SCAI: variants seen among roughly 807,000 people sequenced by gnomAD.
SCAI encodes the protein protein SCAI.
SCAI carries 24 observed loss-of-function variants against 92.2 expected under a neutral mutation model. The observed-to-expected ratio is 0.26, with a 90% CI of 0.19 to 0.37. The LOEUF (loss-of-function observed/expected upper bound fraction) is 0.37. SCAI is among the 10% of genes least tolerant of loss of function. The pLI, the probability that SCAI is intolerant of heterozygous loss-of-function variation, is 1.00. For missense variants in SCAI, 450 were observed against 736.2 expected (o/e 0.61, Z 4.50); for synonymous variants, 261 against 258.6 (o/e 1.01, Z -0.09).
At chr9:125,044,029 C>T (rs1280200124) in intron 3 of SCAI, among the ~76,000 whole-genome samples, 2 of 152,158 alleles carry the variant, frequency 1.3e-5, no homozygotes, top group Admixed American at 6.5e-5. Flanking sequence ...CCTGCTCCTG[C>T]TCCCTGGCCT....
intron 2 of SCAI, among the ~76,000 whole-genome samples, chr9:125,124,923 C>CA (rs1835228797): frequency 6.6e-6 from 1 of 152,188 alleles, no homozygotes; most frequent in Non-Finnish European, 1.5e-5. Context: ...CAAACAAGAG[C>CA]AGAGGACTAC....
intron 3 of SCAI, among the ~76,000 whole-genome samples, chr9:125,033,150 G>C (rs1487488100): frequency 6.6e-6 from 1 of 151,760 alleles, no homozygotes; most frequent in African/African-American, 2.4e-5. Flanking sequence ...GATTGCTTGA[G>C]ACCAGGGGTT....
intron 2 of SCAI, among the ~76,000 whole-genome samples, chr9:125,113,621 TATATG>T (rs2131236066): frequency 6.6e-6 from 1 of 152,126 alleles, no homozygotes; most frequent in African/African-American, 2.4e-5. Flanking sequence ...CCTCTTGTGT[TATATG>T]ATCATTATAA....
chr9:125,139,329 C>G (rs1835612741), intron 2 of SCAI, among the ~76,000 whole-genome samples: 1 of 152,150 alleles, frequency 6.6e-6, no homozygotes, highest in Non-Finnish European at 1.5e-5. Flanking sequence ...GGGAAAATCA[C>G]CTGGGCCCGA....
At chr9:125,032,461 G>A (rs921368773) in intron 3 of SCAI, among the ~76,000 whole-genome samples, 7 of 151,450 alleles carry the variant, frequency 4.6e-5, no homozygotes, top group Non-Finnish European at 8.8e-5. Context: ...TAAAGTGCTG[G>A]GATTACAGGT....
At position 124,967,644 on chromosome 9, in the gene SCAI, G is replaced by GA. The variant is rs1223455278; in HGVS notation, c.1674+3725dup. On this transcript the variant is annotated intron_variant, in intron 17 of 17. Coordinates refer to ENST00000336505, the MANE Select transcript of SCAI (RefSeq NM_001144877.3). ...CTGATTCCATACTAACCCTTAAAAT[G>GA]AAAAAATAATAAAAAAATACACACA... is the stretch of plus-strand genomic sequence containing the variant. Among the ~76,000 whole-genome samples, 12 of 151,144 alleles carry GA rather than the reference G, an allele frequency of 7.9e-5. No individual in the cohort carries two copies. In the East Asian group the frequency reaches 2.0e-3, roughly 25 times the overall value.
chr9:125,138,633 C>T (rs1835597363), intron 2 of SCAI, among the ~76,000 whole-genome samples: 1 of 152,136 alleles, frequency 6.6e-6, no homozygotes, highest in Non-Finnish European at 1.5e-5. Flanking sequence ...CCAGGATGGT[C>T]TCGATCTCCT....
chr9:125,020,855 C>T (rs1240421260), intron 6 of SCAI, 86 bp from the exon 7 acceptor site: 2 of 587,844 alleles, frequency 3.4e-6, no homozygotes, highest in African/African-American at 3.9e-5. Flanking sequence ...TTTTAAAACT[C>T]TTTCCCTCCT....
intron 2 of SCAI, among the ~76,000 whole-genome samples, chr9:125,124,821 G>GA (rs1265552687): frequency 1.3e-5 from 2 of 152,192 alleles, no homozygotes; most frequent in Non-Finnish European, 2.9e-5. Flanking sequence ...AAAAGGGGTT[G>GA]AAAAAGAGTT....
At position 125,013,444 on chromosome 9, in the gene SCAI, T is replaced by C. The variant is rs1195562554; in HGVS notation, c.861+5355A>G. ...AGAAAATCTAGAAGAAATGGATAAA[T>C]TCCTCAACACATACACCCTCCCAAG... On this transcript the variant is annotated intron_variant, in intron 9 of 17. Coordinates refer to ENST00000336505, the MANE Select transcript of SCAI (RefSeq NM_001144877.3). Among the ~76,000 whole-genome samples the C allele has an allele frequency of 2.7e-4, 41 of 152,306 alleles. No homozygotes were observed. The South Asian group carries it at 8.1e-3, about 30-fold the overall frequency.
intron 11 of SCAI, 48 bp from the exon 12 acceptor site, chr9:125,002,091 CA>C (rs759904458): frequency 7.9e-7 from 1 of 1,262,716 alleles, no homozygotes; most frequent in Non-Finnish European, 1.2e-6. Flanking sequence ...CAAGGATAAA[CA>C]ACATGGTTTT....
intron 3 of SCAI, among the ~76,000 whole-genome samples, chr9:125,032,068 A>G (rs1478013100): frequency 6.6e-6 from 1 of 151,620 alleles, no homozygotes; most frequent in African/African-American, 2.4e-5. Context: ...ATTTTCAATT[A>G]AGAAAAGAAG....
At chr9:125,073,078 G>C (rs1564402065) in intron 2 of SCAI, among the ~76,000 whole-genome samples, 1 of 143,882 alleles carries the variant, frequency 7.0e-6, no homozygotes, top group Non-Finnish European at 1.5e-5. Context: ...GATCATATGA[G>C]GATTCTATTT....
At chr9:125,103,879 T>C (rs761375645) in intron 2 of SCAI, among the ~76,000 whole-genome samples, 10 of 152,218 alleles carry the variant, frequency 6.6e-5, no homozygotes, top group Non-Finnish European at 1.3e-4. Context: ...GTTAGTGTTA[T>C]ATAATTCATC....
intron 3 of SCAI, among the ~76,000 whole-genome samples, chr9:125,051,579 C>G (rs1299780069): frequency 6.6e-6 from 1 of 152,074 alleles, no homozygotes; most frequent in Non-Finnish European, 1.5e-5. Flanking sequence ...TGATGGATAT[C>G]CCAAATCCAT....
chr9:125,003,355 T>A, intron 10 of SCAI, 114 bp downstream of exon 10: 1 of 998,104 alleles, frequency 1.0e-6, no homozygotes, highest in Non-Finnish European at 1.6e-6. Context: ...TCTCCATGTC[T>A]CATCAAGTGA....
rs149496267 is a variant in SCAI, at chr9:125,003,241, T to C, written c.964-26A>G. On this transcript the variant is annotated intron_variant, in intron 10 of 17. Transcript: ENST00000336505. ...CTATATTTACACACAGAAAACATTA[T>C]ACATAAAAGCTGCATTTGACAAATG... The C allele has an allele frequency of 1.2e-4, 188 of 1,528,596 alleles. 1 individual carries two copies. In the African/African-American group the frequency reaches 2.1e-3, roughly 17 times the overall value. 94.7% of individuals were successfully genotyped at this position (1,528,596 alleles called of 1,614,324 possible). A position where few individuals can be genotyped will look rare whatever the true frequency, so the allele number is the denominator to read the frequency against.
In SCAI at chr9:124,952,041, T is replaced by C. The variant is rs1831241906; in HGVS notation, c.*766A>G. 1 of 152,224 alleles carries C rather than the reference T, an allele frequency of 6.6e-6. No homozygotes were observed. Among genetic ancestry groups the C allele is most frequent in the Admixed American group, 6.5e-5 (1 of 15,282 alleles). The allele number at this position is 152,224 out of a possible 1,614,324, so 9.4% of individuals were successfully genotyped here. ...AAACCAAGAGTTTAAATAGAATTCC[T>C]ATTGGAGACATTGTATTATGAAACC... On this transcript the variant is annotated 3_prime_UTR_variant, in exon 18 of 18. Coordinates refer to ENST00000336505, the MANE Select transcript of SCAI (RefSeq NM_001144877.3).
At chr9:125,001,520 A>G (rs1023374730) in intron 12 of SCAI, among the ~76,000 whole-genome samples, 1 of 152,228 alleles carries the variant, frequency 6.6e-6, no homozygotes, top group Admixed American at 6.5e-5. Context: ...CACAGTTACG[A>G]AAGTACACTG....
Sources: allele counts gnomAD v4.1 joint callset (sites outside exome capture counted in the v4.1 genomes callset), GRCh38; gene constraint gnomAD v4.1.1; transcripts MANE v1.5; gene names NCBI Gene and HGNC (gene_info 2026-07-23, HGNC 2026-07-21).